Variants in NEGR1 observed in about 807,000 individuals in gnomAD.
The protein encoded by NEGR1 is IgLON family member 4.
In NEGR1, 10 loss-of-function variants were observed where a neutral mutation model predicts 40.9. The observed-to-expected ratio is 0.24, with a 90% confidence interval of 0.15 to 0.42. The LOEUF is 0.42. Among genes scored for constraint, NEGR1 ranks in the 10% least tolerant of loss-of-function variants. NEGR1 has a pLI of 1.00. For synonymous variants in NEGR1, 185 were observed against 166.8 expected, an observed-to-expected ratio of 1.11 and a Z score of -0.84; for missense variants, 352 against 438.9, an observed-to-expected ratio of 0.80 and a Z score of 1.77.
At chr1:71,894,378 T>C (rs1406401348) in intron 2 of NEGR1, among the ~76,000 whole-genome samples, 1 of 152,180 alleles carries the variant, frequency 6.6e-6, no homozygotes, top group Non-Finnish European at 1.5e-5. Flanking sequence ...ATAGGGGCTC[T>C]TTGAAGCACT....
intron 1 of NEGR1, among the ~76,000 whole-genome samples, chr1:71,962,669 T>C (rs1344745298): frequency 1.3e-5 from 2 of 152,058 alleles, no homozygotes; most frequent in Admixed American, 1.3e-4. Flanking sequence ...CATTTACAAA[T>C]GCTAATTTAG....
At chr1:71,595,966 T>A (rs569902900) in intron 5 of NEGR1, among the ~76,000 whole-genome samples, 1 of 151,266 alleles carries the variant, frequency 6.6e-6, no homozygotes, top group South Asian at 2.1e-4. Context: ...GTAAAAAGAA[T>A]CATTCTTATA....
chr1:72,272,193 T>C (rs1446345205), intron 1 of NEGR1, among the ~76,000 whole-genome samples: 1 of 151,800 alleles, frequency 6.6e-6, no homozygotes, highest in Non-Finnish European at 1.5e-5. Flanking sequence ...TTTAAGGTAA[T>C]TTGATGAGAA....
intron 6 of NEGR1, among the ~76,000 whole-genome samples, chr1:71,431,541 TC>T (rs1426002509): frequency 2.5e-4 from 25 of 98,814 alleles, no homozygotes; most frequent in Non-Finnish European, 1.0e-4. Context: ...CAATCATCCA[TC>T]CATCCATCCA....
At chr1:71,429,143 C>T (rs924884693) in intron 6 of NEGR1, among the ~76,000 whole-genome samples, 2 of 151,540 alleles carry the variant, frequency 1.3e-5, no homozygotes, top group African/African-American at 2.4e-5. Flanking sequence ...TTTCATAAAC[C>T]GCATTGACTA....
intron 1 of NEGR1, among the ~76,000 whole-genome samples, chr1:72,063,690 T>C (rs1255370565): frequency 2.0e-5 from 3 of 151,918 alleles, no homozygotes; most frequent in South Asian, 2.1e-4. Context: ...AATATGAAGA[T>C]TAAAATTTTT....
At chr1:71,681,931 A>T (rs1652852073) in intron 4 of NEGR1, among the ~76,000 whole-genome samples, 1 of 152,168 alleles carries the variant, frequency 6.6e-6, no homozygotes, top group African/African-American at 2.4e-5. Context: ...GGTTCAAGCG[A>T]TTCTCATGCC....
In NEGR1 at chr1:72,075,197, A is replaced by G. The variant is rs142465359; in HGVS notation, c.177-139886T>C. On this transcript the variant is annotated intron_variant, in intron 1 of 6. Transcript: ENST00000357731. ...AGAAGCTTAGTAAATATTTATGTTT[A>G]CAAGTTATTTTGTAATTAAAGTTTT... Among the ~76,000 whole-genome samples, 32 of 152,298 alleles carry G rather than the reference A, an allele frequency of 2.1e-4. No individual in the cohort carries two copies. In the East Asian group the frequency reaches 6.0e-3, roughly 28 times the overall value.
chr1:71,717,657 A>G (rs949660645), intron 3 of NEGR1, among the ~76,000 whole-genome samples: 1 of 152,232 alleles, frequency 6.6e-6, no homozygotes, highest in Non-Finnish European at 1.5e-5. Flanking sequence ...ACAATGCTTT[A>G]GATGCTGTTG....
chr1:71,687,247 G>A (rs1357720913), intron 4 of NEGR1, among the ~76,000 whole-genome samples: 1 of 152,140 alleles, frequency 6.6e-6, no homozygotes, highest in African/African-American at 2.4e-5. Context: ...CTGCTTTTAA[G>A]TTATCGGTAG....
At chr1:71,726,473 G>C (rs1257121041) in intron 3 of NEGR1, among the ~76,000 whole-genome samples, 1 of 152,064 alleles carries the variant, frequency 6.6e-6, no homozygotes, top group Admixed American at 6.6e-5. Flanking sequence ...TCCGAAGTTA[G>C]GAGCTGGTGG....
At chr1:72,074,805 G>T (rs1245593272) in intron 1 of NEGR1, among the ~76,000 whole-genome samples, 18 of 151,876 alleles carry the variant, frequency 1.2e-4, no homozygotes, top group Admixed American at 1.2e-3. Context: ...TCATATTGTA[G>T]AACCAAAGAA....
Position 71,928,027 on chromosome 1 carries a change from T to TACACACAC in NEGR1, c.409+7044_409+7051dup, listed in dbSNP as rs150454041. ...AAAAATAAATAAATAAATAAATAAA[T>TACACACAC]ACACACACACACACACACACACGTA... On this transcript the variant is annotated intron_variant, in intron 2 of 6. Coordinates refer to ENST00000357731, the MANE Select transcript of NEGR1 (RefSeq NM_173808.3). Among the ~76,000 whole-genome samples the TACACACAC allele has an allele frequency of 1.5e-3, 117 of 77,458 alleles. 17 individuals are homozygous for TACACACAC. The highest frequency in any genetic ancestry group is 6.5e-3 in the African/African-American group (109 of 16,716). The allele number at this position is 77,458 out of a possible 152,430, so 50.8% of individuals were successfully genotyped here.
At chr1:72,158,503 A>G (rs1443361468) in intron 1 of NEGR1, among the ~76,000 whole-genome samples, 1 of 152,022 alleles carries the variant, frequency 6.6e-6, no homozygotes, top group Non-Finnish European at 1.5e-5. Flanking sequence ...AACCAACTCC[A>G]CTCAACAGAC....
chr1:72,018,740 AG>A (rs1646732575), intron 1 of NEGR1, among the ~76,000 whole-genome samples: 1 of 152,214 alleles, frequency 6.6e-6, no homozygotes, highest in African/African-American at 2.4e-5. Flanking sequence ...CCACAAGGCC[AG>A]TATGGCTGCA....
At chr1:71,461,262 G>A (rs1646712838) in intron 6 of NEGR1, among the ~76,000 whole-genome samples, 1 of 152,114 alleles carries the variant, frequency 6.6e-6, no homozygotes, top group Admixed American at 6.6e-5. Flanking sequence ...AATCTATGAT[G>A]TCACAGAAGT....
chr1:72,005,169 C>A (rs1276687480), intron 1 of NEGR1, among the ~76,000 whole-genome samples: 1 of 151,982 alleles, frequency 6.6e-6, no homozygotes. Flanking sequence ...GGCACCTAAG[C>A]TCTGTTTATT....
chr1:71,946,279 T>C (rs1381227429), intron 1 of NEGR1, among the ~76,000 whole-genome samples: 1 of 152,114 alleles, frequency 6.6e-6, no homozygotes, highest in East Asian at 1.9e-4. Context: ...TCTATTATGT[T>C]GCCCAGGGTG....
intron 2 of NEGR1, among the ~76,000 whole-genome samples, chr1:71,830,114 G>A (rs1298049447): frequency 6.6e-6 from 1 of 151,814 alleles, no homozygotes; most frequent in East Asian, 1.9e-4. Context: ...CAAGAAATAG[G>A]ACTTTTCATC....
Sources: allele counts gnomAD v4.1 joint callset (sites outside exome capture counted in the v4.1 genomes callset), GRCh38; gene constraint gnomAD v4.1.1; transcripts MANE v1.5; gene names NCBI Gene and HGNC (gene_info 2026-07-23, HGNC 2026-07-21).